PPARGC1B: variants seen among roughly 807,000 people sequenced by gnomAD.
The protein encoded by PPARGC1B is peroxisome proliferator-activated receptor gamma coactivator 1-beta.
Under a neutral mutation model 101.6 loss-of-function variants are expected in PPARGC1B, and 34 were observed. That is an observed-to-expected ratio of 0.33 (90% CI 0.25 to 0.45). The LOEUF is 0.45. PPARGC1B is among the 20% of genes least tolerant of loss of function. The pLI, the probability that PPARGC1B is intolerant of heterozygous loss-of-function variation, is 1.00. For synonymous variants in PPARGC1B, 548 were observed against 539.3 expected (o/e 1.02, Z -0.22); for missense variants, 1,234 against 1,317.6 (o/e 0.94, Z 0.98).
rs770016688 is a variant in PPARGC1B at position 149,833,582 on chromosome 5, A to G, written c.1509A>G (p.Gln503=). The G allele has an allele frequency of 1.2e-5, 20 of 1,601,732 alleles. No homozygotes were observed. Among genetic ancestry groups the G allele is most frequent in the East Asian group, 2.3e-5 (1 of 44,138 alleles). ...ADEPLVPSEP[Q]GALPSLCLAP... is the part of the protein sequence containing the mutation. ...AGCCGCTGGTCCCCTCGGAGCCCCA[A>G]GGTGCTCTGCCCTCACTGTGCCTGG... Residue 503 remains glutamine, a synonymous_variant, in exon 5 of 12, where the codon CAA becomes CAG. Coordinates refer to ENST00000309241, the MANE Select transcript of PPARGC1B (RefSeq NM_133263.4). This position sits in a 1 kb window ranked among gnomAD's most constrained non-coding sequence, Gnocchi z 4.1.
chr5:149,825,122 C>A (rs1381050634), intron 2 of PPARGC1B, among the ~76,000 whole-genome samples: 1 of 152,232 alleles, frequency 6.6e-6, no homozygotes, highest in Non-Finnish European at 1.5e-5. Flanking sequence ...AAATGAGGCG[C>A]TCGGTGCCTC....
At chr5:149,817,085 G>T (rs1298775673) in intron 1 of PPARGC1B, among the ~76,000 whole-genome samples, 1 of 151,450 alleles carries the variant, frequency 6.6e-6, no homozygotes, top group Admixed American at 6.6e-5. Context: ...CTTGTGCCTT[G>T]GGCTCAGTCC....
At chr5:149,806,791 A>G (rs1318555148) in intron 1 of PPARGC1B, among the ~76,000 whole-genome samples, 1 of 151,914 alleles carries the variant, frequency 6.6e-6, no homozygotes, top group Non-Finnish European at 1.5e-5. Flanking sequence ...TATTTTTAGT[A>G]GAGACGGGGT....
In PPARGC1B at chr5:149,820,890, G is replaced by C. The variant is rs113661189; in HGVS notation, c.252+284G>C. Reference sequence around the variant, plus strand: ...ACCAAGCCCCTTCGTGTGCCACAGAGGTCCAAGTCCTCTGTTCCCTACATT... The same window carrying C: ...ACCAAGCCCCTTCGTGTGCCACAGACGTCCAAGTCCTCTGTTCCCTACATT... On this transcript the variant is annotated intron_variant, in intron 2 of 11. Coordinates refer to ENST00000309241, the MANE Select transcript of PPARGC1B (RefSeq NM_133263.4). Among the ~76,000 whole-genome samples, 2,192 of 152,212 alleles carry C rather than the reference G, an allele frequency of 0.014. 40 individuals carry two copies. The highest frequency in any genetic ancestry group is 0.049 in the African/African-American group (2,028 of 41,512).
intron 1 of PPARGC1B, among the ~76,000 whole-genome samples, chr5:149,814,002 A>G (rs77822309): frequency 1.3e-5 from 2 of 152,190 alleles, no homozygotes; most frequent in African/African-American, 4.8e-5. Context: ...CCATGGGGGT[A>G]AGGATTTCAA....
At chr5:149,758,052 T>C (rs1755599298) in intron 1 of PPARGC1B, among the ~76,000 whole-genome samples, 1 of 152,228 alleles carries the variant, frequency 6.6e-6, no homozygotes, top group Admixed American at 6.5e-5. Context: ...CCTTATTCCA[T>C]AACCCCTGCC....
At chr5:149,750,477 T>TATATATATATATATATATATATAC (rs1755254271) in intron 1 of PPARGC1B, among the ~76,000 whole-genome samples, 1 of 138,986 alleles carries the variant, frequency 7.2e-6, no homozygotes, top group Non-Finnish European at 1.5e-5. Context: ...TATATATATA[T>TATATATATATATATATATATATAC]ATATATATAT....
At chr5:149,822,552 T>C (rs1338064697) in intron 2 of PPARGC1B, among the ~76,000 whole-genome samples, 1 of 152,244 alleles carries the variant, frequency 6.6e-6, no homozygotes, top group Admixed American at 6.5e-5. Flanking sequence ...GCATTGTGCA[T>C]GGTTGTATTC....
chr5:149,795,949 T>C (rs1757198445), intron 1 of PPARGC1B, among the ~76,000 whole-genome samples: 1 of 152,108 alleles, frequency 6.6e-6, no homozygotes, highest in Admixed American at 6.5e-5. Context: ...TTGAGTGACA[T>C]GATGCATGTC....
At chr5:149,762,466 C>G (rs1056237140) in intron 1 of PPARGC1B, among the ~76,000 whole-genome samples, 5 of 152,132 alleles carry the variant, frequency 3.3e-5, no homozygotes, top group African/African-American at 1.2e-4. Flanking sequence ...CTTTTCCTGT[C>G]TGCCTGCAGA....
intron 1 of PPARGC1B, among the ~76,000 whole-genome samples, chr5:149,744,166 G>A (rs1412228016): frequency 6.6e-6 from 1 of 152,170 alleles, no homozygotes; most frequent in African/African-American, 2.4e-5. Context: ...TTCAGGCTGC[G>A]TGGATCTTCC....
chr5:149,784,516 G>A (rs563409121), intron 1 of PPARGC1B, among the ~76,000 whole-genome samples: 14 of 146,800 alleles, frequency 9.5e-5, no homozygotes, highest in African/African-American at 3.0e-4. Flanking sequence ...CCTCACCCTC[G>A]TCCCTCCCAG....
chr5:149,822,860 G>GGAGCCCATAGGATTA (rs528824150), intron 2 of PPARGC1B, among the ~76,000 whole-genome samples: 2 of 152,196 alleles, frequency 1.3e-5, no homozygotes, highest in African/African-American at 4.8e-5. Context: ...CTGGGATCTA[G>GGAGCCCATAGGATTA]GAGCCATAGG....
rs1208807644 is a variant in PPARGC1B at position 149,854,373 on chromosome 5, CTGTGTGTGTGTGTT to C, written c.*6829_*6842del. 3.3e-5 allele frequency: 5 copies of C among 150,012 alleles called. No individual in the cohort carries two copies. Among genetic ancestry groups the C allele is most frequent in the Admixed American group, 1.3e-4 (2 of 14,816 alleles). 9.3% of individuals were successfully genotyped at this position (150,012 alleles called of 1,614,324 possible). On this transcript the variant is annotated 3_prime_UTR_variant, in exon 12 of 12. Transcript: ENST00000309241. Reference sequence around the variant, plus strand: ...TGTGCACACATACACACGTCTGTGCCTGTGTGTGTGTGTTTGTGTGTGTGTGTGTGTGTGGAATT... The same window carrying C: ...TGTGCACACATACACACGTCTGTGCCTGTGTGTGTGTGTGTGTGTGGAATT...
chr5:149,735,851 T>G (rs1297865844), intron 1 of PPARGC1B, among the ~76,000 whole-genome samples: 1 of 152,102 alleles, frequency 6.6e-6, no homozygotes, highest in African/African-American at 2.4e-5. Flanking sequence ...AGAGGCCGGG[T>G]GCGGCGGCTC....
intron 1 of PPARGC1B, among the ~76,000 whole-genome samples, chr5:149,750,046 C>CA (rs969684852): frequency 3.3e-5 from 5 of 152,158 alleles, no homozygotes; most frequent in Non-Finnish European, 5.9e-5. Context: ...CTTAACTCCC[C>CA]AGGTTATGGC....
chr5:149,734,549 G>A (rs1385794737), intron 1 of PPARGC1B, among the ~76,000 whole-genome samples: 3 of 151,698 alleles, frequency 2.0e-5, no homozygotes, highest in Non-Finnish European at 2.9e-5. Flanking sequence ...ACTCATTTAC[G>A]TTGTTTAATT....
Position 149,832,838 on chromosome 5 carries a change from G to A in PPARGC1B, c.765G>A (p.Pro255=), listed in dbSNP as rs761691887. The A allele has an allele frequency of 7.8e-5, 125 of 1,609,928 alleles. No individual in the cohort carries two copies. The highest frequency in any genetic ancestry group is 9.8e-5 in the Non-Finnish European group (116 of 1,177,692). ...ACAAGGAGCCGGGTGAGGACTGCCCGAGCCCCCAGCCAGCTCCAGCCTCTC... is the reference window on the plus strand; with the variant it reads ...ACAAGGAGCCGGGTGAGGACTGCCCAAGCCCCCAGCCAGCTCCAGCCTCTC... ...KEDKEPGEDC[P]SPQPAPASPR... is the part of the protein sequence containing the mutation. The change falls in exon 5 of 12, where the codon CCG becomes CCA. Residue 255 remains proline, a synonymous_variant. Transcript: ENST00000309241. This position sits in a 1 kb window ranked among gnomAD's most constrained non-coding sequence, Gnocchi z 4.9.
rs35484083 is a variant in PPARGC1B, at chr5:149,794,524, G to GCACACACACACA, written c.79-25890_79-25879dup. 5.2e-3 allele frequency among the ~76,000 whole-genome samples: 748 copies of GCACACACACACA among 143,658 alleles called. 2 individuals carry two copies. The highest frequency in any genetic ancestry group is 8.0e-3 in the Non-Finnish European group (512 of 63,822). 94.2% of individuals were successfully genotyped at this position (143,658 alleles called of 152,430 possible). A position where few individuals can be genotyped will look rare whatever the true frequency, so the allele number is the denominator to read the frequency against. On this transcript the variant is annotated intron_variant, in intron 1 of 11. Transcript: ENST00000309241. ...TGCATACGCTCATGTATGTGAGCGT[G>GCACACACACACA]CACACACACACACACACACACACAC...
Sources: gnomAD v4.1 joint callset for allele counts (sites outside exome capture counted in the v4.1 genomes callset) on GRCh38, gnomAD v4.1.1 for gene constraint, Gnocchi (gnomAD v3.1) non-coding constraint, MANE v1.5 for transcripts, NCBI Gene and HGNC (gene_info 2026-07-23, HGNC 2026-07-21) for gene names.